The following BICDL1 variants were observed in gnomAD, a reference collection of about 807,000 sequenced individuals.
BICDL1 encodes BICD family like cargo adaptor 1, also known as BICD family-like cargo adapter 1.
A neutral mutation model predicts 76.8 loss-of-function variants in BICDL1; 20 were observed. That is an observed-to-expected ratio of 0.26 (90% confidence interval 0.18 to 0.38). The LOEUF is 0.38. BICDL1 is among the 10% of genes least tolerant of loss of function. BICDL1 has a pLI of 1.00. For missense variants in BICDL1, 700 were observed against 798.6 expected (o/e 0.88, Z 1.49); for synonymous variants, 383 against 337.1 (o/e 1.14, Z -1.49).
intron 2 of BICDL1, among the ~76,000 whole-genome samples, chr12:120,055,799 A>G (rs1384381490): frequency 6.6e-6 from 1 of 152,222 alleles, no homozygotes; most frequent in Non-Finnish European, 1.5e-5. Flanking sequence ...GTATTGAGAA[A>G]CAGGCATCAG....
At chr12:120,014,671 C>A (rs1952024293) in intron 2 of BICDL1, among the ~76,000 whole-genome samples, 1 of 149,728 alleles carries the variant, frequency 6.7e-6, no homozygotes, top group Non-Finnish European at 1.5e-5. Flanking sequence ...CAGCCTGTGA[C>A]AGAGCGAGAC....
At chr12:120,016,225 A>G (rs1401356864) in intron 2 of BICDL1, among the ~76,000 whole-genome samples, 2 of 152,226 alleles carry the variant, frequency 1.3e-5, no homozygotes, top group African/African-American at 4.8e-5. Flanking sequence ...GTTATAGCAC[A>G]TAATAGTTCC....
chr12:120,047,274 G>C (rs1952767331), intron 2 of BICDL1, among the ~76,000 whole-genome samples: 1 of 152,010 alleles, frequency 6.6e-6, no homozygotes, highest in Admixed American at 6.6e-5. Flanking sequence ...TCATTCCAGG[G>C]GATGAGTTTT....
At chr12:120,021,550 G>T (rs1196644667) in intron 2 of BICDL1, among the ~76,000 whole-genome samples, 3 of 130,736 alleles carry the variant, frequency 2.3e-5, no homozygotes, top group East Asian at 4.8e-4. Context: ...TTGCGCCACT[G>T]CACTCCACCC....
At chr12:120,024,290 C>CAA (rs1238648895) in intron 2 of BICDL1, among the ~76,000 whole-genome samples, 2 of 151,812 alleles carry the variant, frequency 1.3e-5, no homozygotes, top group East Asian at 3.9e-4. Context: ...CAAAACAAAA[C>CAA]AAAACAAAAA....
chr12:120,046,173 A>C (rs1952747029), intron 2 of BICDL1, among the ~76,000 whole-genome samples: 1 of 152,152 alleles, frequency 6.6e-6, no homozygotes, highest in Admixed American at 6.6e-5. Context: ...CATGGATGAA[A>C]GCAAGTGCCT....
chr12:120,011,227 TG>T (rs1951946539), intron 2 of BICDL1, among the ~76,000 whole-genome samples: 1 of 152,194 alleles, frequency 6.6e-6, no homozygotes, highest in South Asian at 2.1e-4. Context: ...AAATGGTGCC[TG>T]TTGCTTCCGC....
chr12:120,042,580 G>A (rs1032177265), intron 2 of BICDL1, among the ~76,000 whole-genome samples: 15 of 152,102 alleles, frequency 9.9e-5, no homozygotes, highest in Non-Finnish European at 5.9e-5. Flanking sequence ...CAAGGCAGGC[G>A]GGTCACCTGA....
intron 2 of BICDL1, among the ~76,000 whole-genome samples, chr12:120,001,869 G>A (rs1638443729): frequency 6.6e-6 from 1 of 152,120 alleles, no homozygotes; most frequent in African/African-American, 2.4e-5. Flanking sequence ...GAACTATACA[G>A]TAAGACCCTG....
chr12:120,086,040 T>G (rs930842061), intron 8 of BICDL1, among the ~76,000 whole-genome samples: 1 of 150,674 alleles, frequency 6.6e-6, no homozygotes. Flanking sequence ...CTCTGCCACC[T>G]GGGTGAGCAA....
At chr12:120,018,993 C>G (rs1227150924) in intron 2 of BICDL1, 1 of 147,448 alleles carries the variant, frequency 6.8e-6, no homozygotes, top group African/African-American at 2.5e-5. Context: ...TGCAGTGAGC[C>G]GAGATCCCGC....
At chr12:119,998,453 C>A (rs868286658) in intron 1 of BICDL1, 68 bp from the exon 2 acceptor site, 4 of 1,398,322 alleles carry the variant, frequency 2.9e-6, no homozygotes, top group Admixed American at 2.5e-5. Context: ...GTTGGGACAG[C>A]GCGGAGAGAA....
chr12:120,065,837 A>G (rs888900182), intron 4 of BICDL1, among the ~76,000 whole-genome samples: 2 of 152,186 alleles, frequency 1.3e-5, no homozygotes, highest in Admixed American at 6.5e-5. Flanking sequence ...AATGTCTTGG[A>G]CTAAGATTAC....
At chr12:120,076,022 G>T (rs1290939685) in intron 7 of BICDL1, among the ~76,000 whole-genome samples, 1 of 152,260 alleles carries the variant, frequency 6.6e-6, no homozygotes, top group Non-Finnish European at 1.5e-5. Flanking sequence ...AGCCCAGTGT[G>T]ATGGCACATG....
chr12:120,023,097 A>G (rs1465484484), intron 2 of BICDL1, among the ~76,000 whole-genome samples: 2 of 152,218 alleles, frequency 1.3e-5, no homozygotes, highest in African/African-American at 4.8e-5. Flanking sequence ...AGTAGTAGTG[A>G]ATAATTAGCT....
At chr12:120,025,479 G>A (rs888981279) in intron 2 of BICDL1, among the ~76,000 whole-genome samples, 1 of 152,268 alleles carries the variant, frequency 6.6e-6, no homozygotes, top group Non-Finnish European at 1.5e-5. Flanking sequence ...CCAGAACATG[G>A]TCCCTATGTG....
In BICDL1 at chr12:120,071,596, T is replaced by C. The variant is rs746422932; in HGVS notation, c.910-26T>C. ...TCTTGGTTTTTGTGTTTGGTAAACC[T>C]CAACCATTTGCTCTTTCTTTGAAAG... On this transcript the variant is annotated intron_variant, in intron 4 of 9. Transcript: ENST00000548673. The surrounding 1 kb of genome is among the most constrained non-coding windows in gnomAD (Gnocchi z 4.8). 6.3e-7 allele frequency: 1 copy of C among 1,583,208 alleles called. No homozygotes were observed. Among genetic ancestry groups the C allele is most frequent in the Non-Finnish European group, 8.6e-7 (1 of 1,163,946 alleles).
chr12:120,055,564 A>G (rs1389125753), intron 2 of BICDL1, among the ~76,000 whole-genome samples: 3 of 152,204 alleles, frequency 2.0e-5, no homozygotes. Context: ...CAAATTATAA[A>G]AAGAGTTTAT....
intron 2 of BICDL1, among the ~76,000 whole-genome samples, chr12:120,054,426 C>A (rs944007383): frequency 6.6e-6 from 1 of 152,090 alleles, no homozygotes; most frequent in Admixed American, 6.5e-5. Flanking sequence ...GTAAGCTTGT[C>A]CAGTCTACTT....
Sources: allele counts gnomAD v4.1 joint callset (sites outside exome capture counted in the v4.1 genomes callset), GRCh38; gene constraint gnomAD v4.1.1; non-coding constraint Gnocchi (gnomAD v3.1); transcripts MANE v1.5; gene names NCBI Gene and HGNC (gene_info 2026-07-23, HGNC 2026-07-21).